Variants in RABGAP1L observed in about 807,000 individuals in gnomAD.
The protein encoded by RABGAP1L is rab GTPase-activating protein 1-like.
In RABGAP1L, 63 loss-of-function variants were observed where a neutral mutation model predicts 137.7. The observed-to-expected ratio is 0.46, with a 90% CI of 0.37 to 0.56. RABGAP1L has a LOEUF of 0.56. Ranked by LOEUF, RABGAP1L falls within the 20% of genes least tolerant of loss-of-function variation. The probability of loss-of-function intolerance (pLI) is 0.00; values close to 1 mark genes in which losing one functional copy is unlikely to be tolerated. For synonymous variants in RABGAP1L, 431 were observed against 433.7 expected, an observed-to-expected ratio of 0.99 and a Z score of 0.08; for missense variants, 1,095 against 1,244.0, an observed-to-expected ratio of 0.88 and a Z score of 1.80.
chr1:174,735,787 C>T (rs1383825370), intron 17 of RABGAP1L, among the ~76,000 whole-genome samples: 1 of 152,010 alleles, frequency 6.6e-6, no homozygotes, highest in Non-Finnish European at 1.5e-5. Flanking sequence ...AGAGGAGCAG[C>T]ATATTATATG....
intron 13 of RABGAP1L, among the ~76,000 whole-genome samples, chr1:174,472,929 G>C (rs1658102711): frequency 6.6e-6 from 1 of 152,206 alleles, no homozygotes; most frequent in Non-Finnish European, 1.5e-5. Flanking sequence ...CAGACCTGCA[G>C]TATTAACTGT....
Position 174,699,657 on chromosome 1 carries a change from A to G in RABGAP1L, c.2025+7A>G. On this transcript the variant is annotated splice_region_variant and intron_variant, in intron 16 of 25. Transcript: ENST00000681986. ...GTTGGAGAGACTAATGCAGGTAAATAAAAATTAGGAACTTTTATCACTCAG... is the reference window on the plus strand; with the variant it reads ...GTTGGAGAGACTAATGCAGGTAAATGAAAATTAGGAACTTTTATCACTCAG... 1 of 1,594,844 alleles carries G rather than the reference A, an allele frequency of 6.3e-7. No homozygotes were observed.
intron 20 of RABGAP1L, among the ~76,000 whole-genome samples, chr1:174,967,744 C>T (rs1669766807): frequency 6.6e-6 from 1 of 152,152 alleles, no homozygotes; most frequent in Non-Finnish European, 1.5e-5. Context: ...GTCTCAGGCT[C>T]CCAAAGTATT....
intron 17 of RABGAP1L, among the ~76,000 whole-genome samples, chr1:174,722,186 A>G (rs1014915973): frequency 1.3e-5 from 2 of 151,974 alleles, no homozygotes; most frequent in Non-Finnish European, 1.5e-5. Flanking sequence ...CGCCCCACCC[A>G]CAAAGTGCTG....
At chr1:174,662,143 G>T (rs1201798927) in intron 14 of RABGAP1L, among the ~76,000 whole-genome samples, 2 of 124,992 alleles carry the variant, frequency 1.6e-5, no homozygotes, top group African/African-American at 6.5e-5. Context: ...TGGCTCTGTC[G>T]CCCAGGCTGT....
intron 13 of RABGAP1L, among the ~76,000 whole-genome samples, chr1:174,565,629 A>G (rs1434308016): frequency 4.6e-5 from 7 of 152,158 alleles, no homozygotes; most frequent in Non-Finnish European, 2.9e-5. Context: ...GACTTGACGC[A>G]GTTTGGAATT....
At chr1:174,229,018 G>A (rs866885650) in intron 3 of RABGAP1L, among the ~76,000 whole-genome samples, 1 of 148,322 alleles carries the variant, frequency 6.7e-6, no homozygotes. Flanking sequence ...AAAATGAACA[G>A]TTTTTTTTTT....
chr1:174,885,188 G>A (rs537218115), intron 19 of RABGAP1L, among the ~76,000 whole-genome samples: 48 of 152,216 alleles, frequency 3.2e-4, no homozygotes, highest in Non-Finnish European at 5.3e-4. Flanking sequence ...GCTGTGTTTC[G>A]TGTTTCTTTC....
intron 13 of RABGAP1L, among the ~76,000 whole-genome samples, chr1:174,534,132 CTG>C (rs35255973): frequency 0.31 from 40,734 of 132,064 alleles, 6,343 homozygotes; most frequent in Admixed American, 0.38. Flanking sequence ...GAGGTCAACT[CTG>C]TGTGTGTGTG....
chr1:174,419,895 C>A (rs4652425), intron 13 of RABGAP1L, among the ~76,000 whole-genome samples: 53,541 of 151,818 alleles, frequency 0.35, 12,088 homozygotes, highest in African/African-American at 0.64. Context: ...TTTTTGATTC[C>A]GGCTGCTTCT....
chr1:174,219,559 G>C (rs1289975164), intron 2 of RABGAP1L, among the ~76,000 whole-genome samples: 1 of 151,708 alleles, frequency 6.6e-6, no homozygotes, highest in African/African-American at 2.4e-5. Flanking sequence ...TAGACATAAT[G>C]GTTAAATTTT....
chr1:174,574,977 C>G (rs1668264984), intron 13 of RABGAP1L, among the ~76,000 whole-genome samples: 1 of 152,206 alleles, frequency 6.6e-6, no homozygotes, highest in Admixed American at 6.5e-5. Flanking sequence ...GTTGCCCAGA[C>G]TGGAGTGCAA....
At chr1:174,229,368 T>C (rs181234360) in intron 3 of RABGAP1L, among the ~76,000 whole-genome samples, 4 of 152,340 alleles carry the variant, frequency 2.6e-5, no homozygotes, top group African/African-American at 9.6e-5. Context: ...ATCTTTAGTA[T>C]AGTTTTTCCT....
intron 13 of RABGAP1L, among the ~76,000 whole-genome samples, chr1:174,461,740 C>G (rs764698279): frequency 6.6e-6 from 1 of 152,118 alleles, no homozygotes; most frequent in Non-Finnish European, 1.5e-5. Context: ...ACTGGGGAAG[C>G]TGTGGAAAAG....
At chr1:174,226,752 G>A (rs1293014445) in intron 3 of RABGAP1L, among the ~76,000 whole-genome samples, 2 of 150,792 alleles carry the variant, frequency 1.3e-5, no homozygotes, top group African/African-American at 2.4e-5. Context: ...GTATTTGCAT[G>A]GTATATATTT....
intron 18 of RABGAP1L, among the ~76,000 whole-genome samples, chr1:174,796,896 A>G (rs1287060482): frequency 1.3e-5 from 2 of 151,444 alleles, no homozygotes; most frequent in Non-Finnish European, 2.9e-5. Flanking sequence ...AATTCCAGCT[A>G]CTCGTGGGGC....
chr1:174,805,870 G>C (rs1372845004), intron 18 of RABGAP1L, among the ~76,000 whole-genome samples: 1 of 152,202 alleles, frequency 6.6e-6, no homozygotes, highest in Non-Finnish European at 1.5e-5. Flanking sequence ...ACATGCCTCT[G>C]CTTATTGAAA....
At chr1:174,871,656 C>T (rs769855184) in intron 19 of RABGAP1L, among the ~76,000 whole-genome samples, 2 of 152,136 alleles carry the variant, frequency 1.3e-5, no homozygotes, top group African/African-American at 2.4e-5. Context: ...TTGCTGTTCC[C>T]TAAACCTACC....
At chr1:174,599,695 C>G (rs1670269334) in intron 13 of RABGAP1L, among the ~76,000 whole-genome samples, 4 of 152,128 alleles carry the variant, frequency 2.6e-5, no homozygotes, top group African/African-American at 9.7e-5. Context: ...TGCAGCCAAA[C>G]TTAGTGGAGC....
Sources: allele counts gnomAD v4.1 joint callset (sites outside exome capture counted in the v4.1 genomes callset), GRCh38; gene constraint gnomAD v4.1.1; transcripts MANE v1.5; gene names NCBI Gene and HGNC (gene_info 2026-07-23, HGNC 2026-07-21).